SEM1: variants seen among roughly 807,000 people sequenced by gnomAD.
SEM1 encodes the protein SEM1 26S proteasome subunit.
Under a neutral mutation model 12.7 loss-of-function variants are expected in SEM1, and 3 were observed. The observed-to-expected ratio is 0.24, with a 90% CI of 0.11 to 0.61. SEM1 has a LOEUF of 0.61. Among genes scored for constraint, SEM1 ranks in the 20% least tolerant of loss-of-function variants. The probability of loss-of-function intolerance (pLI) is 0.88; values close to 1 mark genes in which losing one functional copy is unlikely to be tolerated. For missense variants in SEM1, 59 were observed against 81.3 expected (o/e 0.73, Z 1.06); for synonymous variants, 30 against 27.8 (o/e 1.08, Z -0.25).
rs138248305 is a variant in SEM1 at position 96,588,148 on chromosome 7, C to T, written c.171-81450G>A. Among the ~76,000 whole-genome samples, 622 of 150,590 alleles carry T rather than the reference C, an allele frequency of 4.1e-3. 3 individuals are homozygous for T. Among genetic ancestry groups the T allele is most frequent in the African/African-American group, 0.015 (607 of 41,024 alleles). On this transcript the variant is annotated intron_variant and NMD_transcript_variant, in intron 2 of 3. Transcript: ENST00000466986. ...CTTTTGGAGGCCGAGGTGGAAGGAT[C>T]GCTTGAGCCCAGGACTTTGAGACCA...
intron 2 of SEM1, among the ~76,000 whole-genome samples, chr7:96,580,317 G>T (rs1387591389): frequency 2.0e-5 from 3 of 147,008 alleles, no homozygotes; most frequent in Non-Finnish European, 4.5e-5. Context: ...TTTTATGGCT[G>T]CATAGTATTC....
At chr7:96,606,735 T>G (rs991119652) in intron 2 of SEM1, among the ~76,000 whole-genome samples, 1 of 152,204 alleles carries the variant, frequency 6.6e-6, no homozygotes. Flanking sequence ...CTCCTTCAGG[T>G]TCTCTCCTGG....
chr7:96,598,178 T>G (rs909516684), intron 2 of SEM1, among the ~76,000 whole-genome samples: 2 of 152,276 alleles, frequency 1.3e-5, no homozygotes, highest in Middle Eastern at 3.4e-3. Flanking sequence ...CTTTAAATTG[T>G]TATCTACCTG....
chr7:96,693,253 G>T (rs972865953), intron 2 of SEM1, among the ~76,000 whole-genome samples: 1 of 151,960 alleles, frequency 6.6e-6, no homozygotes, highest in African/African-American at 2.4e-5. Context: ...ATCTTTACTT[G>T]AGCAAAGTAT....
chr7:96,684,748 A>T (rs186978000), downstream of SEM1, among the ~76,000 whole-genome samples: 1 of 152,090 alleles, frequency 6.6e-6, no homozygotes, highest in Admixed American at 6.6e-5. Flanking sequence ...TCATCAAGTT[A>T]ATTTTAACTC....
At chr7:96,656,409 C>T (rs1212618870) in intron 2 of SEM1, 1 of 152,300 alleles carries the variant, frequency 6.6e-6, no homozygotes, top group Non-Finnish European at 1.5e-5. Flanking sequence ...GACATTAACT[C>T]CCACCCTACC....
intron 2 of SEM1, among the ~76,000 whole-genome samples, chr7:96,587,354 A>G (rs900056466): frequency 6.6e-6 from 1 of 152,196 alleles, no homozygotes; most frequent in Non-Finnish European, 1.5e-5. Context: ...CTATTCTGAA[A>G]AAGGCTTCTG....
downstream of SEM1, among the ~76,000 whole-genome samples, chr7:96,672,137 T>C (rs1276094803): frequency 6.6e-6 from 1 of 152,192 alleles, no homozygotes; most frequent in African/African-American, 2.4e-5. Context: ...CTGAACATCC[T>C]GCACACCCAG....
chr7:96,668,314 G>A (rs930012406), intron 2 of SEM1, among the ~76,000 whole-genome samples: 12 of 152,116 alleles, frequency 7.9e-5, no homozygotes, highest in African/African-American at 2.9e-4. Context: ...TATTACTGTT[G>A]CCACATAATG....
chr7:96,503,014 G>A (rs1191439382), intron 3 of SEM1, among the ~76,000 whole-genome samples: 1 of 152,086 alleles, frequency 6.6e-6, no homozygotes, highest in Non-Finnish European at 1.5e-5. Context: ...ATAATGATTG[G>A]CAAGGTCTTC....
chr7:96,655,534 G>T (rs1183061209), intron 2 of SEM1, among the ~76,000 whole-genome samples: 1 of 151,130 alleles, frequency 6.6e-6, no homozygotes, highest in African/African-American at 2.4e-5. Flanking sequence ...GCCTGCCTAG[G>T]CCTCCCAAAG....
intron 2 of SEM1, among the ~76,000 whole-genome samples, chr7:96,573,996 T>C (rs1806123200): frequency 6.6e-6 from 1 of 152,052 alleles, no homozygotes; most frequent in South Asian, 2.1e-4. Context: ...GTAGGTTTGT[T>C]ACATATGTAT....
chr7:96,564,146 T>G (rs902095335), intron 2 of SEM1, among the ~76,000 whole-genome samples: 6 of 152,130 alleles, frequency 3.9e-5, no homozygotes, highest in African/African-American at 1.2e-4. Context: ...TAAATTAAAC[T>G]TATTAGAAGT....
intron 2 of SEM1, among the ~76,000 whole-genome samples, chr7:96,615,822 C>A (rs935122847): frequency 6.6e-6 from 1 of 152,076 alleles, no homozygotes; most frequent in Non-Finnish European, 1.5e-5. Flanking sequence ...TGTTTAGCTC[C>A]CACTTGTAAG....
In SEM1 at chr7:96,643,414, T is replaced by C. The variant is rs145364604; in HGVS notation, c.171-20771A>G. On this transcript the variant is annotated intron_variant, in intron 2 of 2. Transcript: ENST00000417009. ...GTACAGAACATGCAGTTTTGTTACATAGGTATACACATGCCATGGTGGTTT... is the reference window on the plus strand; with the variant it reads ...GTACAGAACATGCAGTTTTGTTACACAGGTATACACATGCCATGGTGGTTT... Among the ~76,000 whole-genome samples the C allele has an allele frequency of 4.7e-4, 71 of 152,238 alleles. 2 individuals carry two copies. In the East Asian group the frequency reaches 0.013, roughly 27 times the overall value.
intron 2 of SEM1, among the ~76,000 whole-genome samples, chr7:96,541,944 CTTTTTTTTTTT>C (rs34050482): frequency 5.4e-5 from 5 of 92,436 alleles, no homozygotes; most frequent in Non-Finnish European, 1.0e-4. Context: ...GCCTATGTGT[CTTTTTTTTTTT>C]TTTTTTTTTT....
At chr7:96,539,822 A>G (rs936185338) in intron 2 of SEM1, among the ~76,000 whole-genome samples, 1 of 151,660 alleles carries the variant, frequency 6.6e-6, no homozygotes, top group African/African-American at 2.4e-5. Flanking sequence ...GCTCTCCTAA[A>G]TGAATTCATG....
At chr7:96,629,439 T>C (rs1808177622) in intron 2 of SEM1, among the ~76,000 whole-genome samples, 1 of 152,032 alleles carries the variant, frequency 6.6e-6, no homozygotes, top group African/African-American at 2.4e-5. Context: ...AAGACTCTGA[T>C]GAATTCTTCA....
intron 2 of SEM1, among the ~76,000 whole-genome samples, chr7:96,675,172 T>C (rs1201152922): frequency 6.6e-6 from 1 of 151,740 alleles, no homozygotes; most frequent in East Asian, 1.9e-4. Flanking sequence ...AGAGAAGAGA[T>C]GATAAAATTT....
Sources: gnomAD v4.1 joint callset for allele counts (sites outside exome capture counted in the v4.1 genomes callset) on GRCh38, gnomAD v4.1.1 for gene constraint, MANE v1.5 for transcripts, NCBI Gene and HGNC (gene_info 2026-07-23, HGNC 2026-07-21) for gene names.